Variants in PRSS23 observed in about 807,000 individuals in gnomAD.
PRSS23 encodes protease, serine 23.
Under a neutral mutation model 34.7 loss-of-function variants are expected in PRSS23, and 25 were observed. The ratio of observed to expected loss-of-function variants is 0.72; its 90% CI spans 0.53 to 1.01. The LOEUF is 1.01. Among genes scored for constraint, PRSS23 ranks in the 50% least tolerant of loss-of-function variants. PRSS23 has a pLI of 0.00. For synonymous variants in PRSS23, 176 were observed against 186.6 expected, an observed-to-expected ratio of 0.94 and a Z score of 0.46; for missense variants, 445 against 475.6, an observed-to-expected ratio of 0.94 and a Z score of 0.60.
chr11:86,914,899 A>G (rs1183436732), intron 2 of PRSS23, among the ~76,000 whole-genome samples: 1 of 152,202 alleles, frequency 6.6e-6, no homozygotes, highest in Non-Finnish European at 1.5e-5. Context: ...GATTTTGAAA[A>G]AGTTTCAGAA....
chr11:86,906,708 A>G (rs1445438136), intron 2 of PRSS23, among the ~76,000 whole-genome samples: 1 of 152,212 alleles, frequency 6.6e-6, no homozygotes, highest in African/African-American at 2.4e-5. Context: ...CCCAAACCCA[A>G]GGTCCTCTAT....
At chr11:86,843,748 T>C (rs1948465874) in intron 2 of PRSS23, among the ~76,000 whole-genome samples, 1 of 152,066 alleles carries the variant, frequency 6.6e-6, no homozygotes, top group African/African-American at 2.4e-5. Flanking sequence ...ATGGTAATCA[T>C]TAAAAAGTCA....
At position 86,829,768 on chromosome 11, in the gene PRSS23, G is replaced by T. The variant is rs1318785675; in HGVS notation, c.206+6175G>T. 3.9e-5 allele frequency among the ~76,000 whole-genome samples: 6 copies of T among 152,236 alleles called. 1 individual carries two copies. The South Asian group carries it at 1.2e-3, about 31-fold the overall frequency. Reference sequence around the variant, plus strand: ...TAGAGGTCCACTGCAGACCCTGTTTGCCTGGGTACCAGCAGCGGTGGCTGC... The same window carrying T: ...TAGAGGTCCACTGCAGACCCTGTTTTCCTGGGTACCAGCAGCGGTGGCTGC... On this transcript the variant is annotated intron_variant, in intron 2 of 2. Coordinates refer to the PRSS23 transcript ENST00000533902.
chr11:86,907,428 TGTGGTAAGAG>T (rs1471623665), intron 2 of PRSS23, among the ~76,000 whole-genome samples: 3 of 152,166 alleles, frequency 2.0e-5, no homozygotes, highest in African/African-American at 7.2e-5. Flanking sequence ...TTTTTAAAAT[TGTGGTAAGAG>T]CACTTAACAT....
At chr11:86,813,823 G>C (rs1218570898), downstream of PRSS23, among the ~76,000 whole-genome samples, 3 of 152,284 alleles carry the variant, frequency 2.0e-5, no homozygotes, top group South Asian at 2.1e-4. Flanking sequence ...TATCTCTTTG[G>C]ATGCTAAATG....
At chr11:86,863,562 T>G (rs1292955400) in intron 2 of PRSS23, among the ~76,000 whole-genome samples, 1 of 152,206 alleles carries the variant, frequency 6.6e-6, no homozygotes, top group East Asian at 1.9e-4. Flanking sequence ...TTTGAATATT[T>G]GAGGTCACAG....
At chr11:86,905,052 T>G (rs946161152) in intron 2 of PRSS23, among the ~76,000 whole-genome samples, 2 of 152,112 alleles carry the variant, frequency 1.3e-5, no homozygotes, top group African/African-American at 4.8e-5. Flanking sequence ...TTAGACCCTG[T>G]CTCAAAACAG....
chr11:86,844,732 T>C (rs1040662330), intron 2 of PRSS23, among the ~76,000 whole-genome samples: 3 of 152,242 alleles, frequency 2.0e-5, no homozygotes, highest in Admixed American at 6.5e-5. Context: ...AAACAAGTGT[T>C]GTTTTATCAT....
At chr11:86,836,391 T>A (rs1488476867) in intron 2 of PRSS23, among the ~76,000 whole-genome samples, 1 of 152,086 alleles carries the variant, frequency 6.6e-6, no homozygotes, top group East Asian at 1.9e-4. Context: ...ACAGGATGGG[T>A]ATTCTTTGCT....
rs918113014 is a variant in PRSS23 at position 86,931,330 on chromosome 11, A to G, written c.207-19886A>G. 3.3e-5 allele frequency among the ~76,000 whole-genome samples: 5 copies of G among 152,334 alleles called. No homozygotes were observed. In the South Asian group the frequency reaches 1.0e-3, roughly 32 times the overall value. ...TTCATAGTAGCAAAAATGATGAAGA[A>G]AAAAGCCACTAAATTTCCATCAAAA... is the stretch of plus-strand genomic sequence containing the variant. On this transcript the variant is annotated intron_variant, in intron 2 of 2. Transcript: ENST00000533902.
chr11:86,831,064 C>A (rs1374878485), intron 2 of PRSS23, among the ~76,000 whole-genome samples: 1 of 151,942 alleles, frequency 6.6e-6, no homozygotes, highest in Non-Finnish European at 1.5e-5. Flanking sequence ...ACGGGGTTTA[C>A]AACTTGTAAT....
intron 1 of PRSS23, among the ~76,000 whole-genome samples, chr11:86,805,739 G>T (rs7934478): frequency 0.086 from 13,082 of 152,212 alleles, 808 homozygotes; most frequent in Non-Finnish European, 0.12. Context: ...TGGATATTGG[G>T]AATGAGAATG....
rs1416290927 is a variant in PRSS23 at position 86,810,640 on chromosome 11, A to AT, written c.*1852dup. 1 of 166,980 alleles carries AT rather than the reference A, an allele frequency of 6.0e-6. No homozygotes were observed. Among genetic ancestry groups the AT allele is most frequent in the African/African-American group, 2.4e-5 (1 of 41,426 alleles). The allele number at this position is 166,980 out of a possible 1,614,324, so 10.3% of individuals were successfully genotyped here. A position where few individuals can be genotyped will look rare whatever the true frequency, so the allele number is the denominator to read the frequency against. On this transcript the variant is annotated 3_prime_UTR_variant, in exon 2 of 2. Coordinates refer to ENST00000280258, the MANE Select transcript of PRSS23 (RefSeq NM_007173.6). ...TCACTGAACACCAAGACCAGAATGG[A>AT]TTTTTTTAAAAAAATAGATGTTCCT...
intron 1 of PRSS23, among the ~76,000 whole-genome samples, chr11:86,822,202 GA>G (rs1409429878): frequency 1.3e-5 from 2 of 152,150 alleles, no homozygotes; most frequent in Admixed American, 1.3e-4. Context: ...GTGTCTTTGT[GA>G]AGTTTACGTG....
chr11:86,943,767 A>G (rs1445097847), intron 2 of PRSS23, among the ~76,000 whole-genome samples: 1 of 152,094 alleles, frequency 6.6e-6, no homozygotes, highest in Non-Finnish European at 1.5e-5. Flanking sequence ...TATTTGGGAC[A>G]GAGTGTTGCT....
chr11:86,823,163 G>A (rs557799953), intron 1 of PRSS23, among the ~76,000 whole-genome samples: 1 of 152,320 alleles, frequency 6.6e-6, no homozygotes, highest in East Asian at 1.9e-4. Context: ...AAACATGGAG[G>A]CAGAGGGTAA....
chr11:86,879,396 C>G (rs572414698), intron 2 of PRSS23, among the ~76,000 whole-genome samples: 3 of 151,836 alleles, frequency 2.0e-5, no homozygotes, highest in African/African-American at 4.8e-5. Flanking sequence ...GCAGCCACCC[C>G]GTCTGGGAAG....
rs1447260910 is a variant in PRSS23 at position 86,951,852 on chromosome 11, A to T, written c.*567A>T. ...TACATCAGCAAGAAAATTATTGCAC[A>T]TCCTGTGTTCTTAAGTCCTTCTTGG... On this transcript the variant is annotated 3_prime_UTR_variant, in exon 3 of 3. Coordinates refer to the PRSS23 transcript ENST00000533902. 1.2e-6 allele frequency: 2 copies of T among 1,613,662 alleles called. No homozygotes were observed. Among genetic ancestry groups the T allele is most frequent in the African/African-American group, 2.7e-5 (2 of 74,944 alleles).
chr11:86,811,904 A>G (rs944433131), downstream of PRSS23, among the ~76,000 whole-genome samples: 7 of 152,158 alleles, frequency 4.6e-5, no homozygotes, highest in Non-Finnish European at 1.0e-4. Context: ...GAATTCTGAC[A>G]GTGATCCCCA....
Sources: gnomAD v4.1 joint callset for allele counts (sites outside exome capture counted in the v4.1 genomes callset) on GRCh38, gnomAD v4.1.1 for gene constraint, MANE v1.5 for transcripts, NCBI Gene and HGNC (gene_info 2026-07-23, HGNC 2026-07-21) for gene names.